Variants in GALNT13 observed in about 807,000 individuals in gnomAD.
GALNT13 encodes UDP-GalNAc:polypeptide N-acetylgalactosaminyltransferase 13.
In GALNT13, 28 loss-of-function variants were observed where a neutral mutation model predicts 64.2. The observed-to-expected ratio is 0.44, with a 90% CI of 0.32 to 0.60. The LOEUF (loss-of-function observed/expected upper bound fraction) is 0.60. GALNT13 is among the 20% of genes least tolerant of loss of function. GALNT13 has a pLI of 0.05. For synonymous variants in GALNT13, 214 were observed against 224.6 expected, an observed-to-expected ratio of 0.95 and a Z score of 0.42; for missense variants, 577 against 669.8, an observed-to-expected ratio of 0.86 and a Z score of 1.53.
chr2:153,922,934 C>G (rs1363700548), intron 2 of GALNT13, among the ~76,000 whole-genome samples: 1 of 151,978 alleles, frequency 6.6e-6, no homozygotes, highest in South Asian at 2.1e-4. Context: ...GAGTCTCCCT[C>G]TGTCACCCAG....
the GALNT13 span, among the ~76,000 whole-genome samples, chr2:153,579,115 C>G: frequency 6.6e-6 from 1 of 152,138 alleles, no homozygotes; most frequent in African/African-American, 2.4e-5. Flanking sequence ...ATGGGAAAAC[C>G]TGAAACTCCT....
chr2:153,525,299 G>A, the GALNT13 span, among the ~76,000 whole-genome samples: 1 of 152,194 alleles, frequency 6.6e-6, no homozygotes, highest in Non-Finnish European at 1.5e-5. Flanking sequence ...ACTGGCTTCA[G>A]GTGAGACTCA....
chr2:154,309,748 A>G (rs1234314799), intron 9 of GALNT13, among the ~76,000 whole-genome samples: 1 of 152,146 alleles, frequency 6.6e-6, no homozygotes, highest in Non-Finnish European at 1.5e-5. Flanking sequence ...GGGCAGGAAC[A>G]AACCTCATCC....
chr2:154,442,030 A>C (rs1186254816), intron 12 of GALNT13, among the ~76,000 whole-genome samples: 4 of 151,634 alleles, frequency 2.6e-5, no homozygotes, highest in African/African-American at 9.7e-5. Flanking sequence ...TTGTCGAAAA[A>C]CTGGAAATAA....
At chr2:153,325,057 T>C in the GALNT13 span, among the ~76,000 whole-genome samples, 1 of 151,304 alleles carries the variant, frequency 6.6e-6, no homozygotes, top group Non-Finnish European at 1.5e-5. Context: ...GAAGGAATGG[T>C]ACCAGCTCCT....
the GALNT13 span, among the ~76,000 whole-genome samples, chr2:153,530,122 AGATAT>A: frequency 4.6e-5 from 7 of 152,266 alleles, no homozygotes; most frequent in East Asian, 3.9e-4. Context: ...CCATGTTTGC[AGATAT>A]GATATTATAT....
chr2:153,257,011 C>G, the GALNT13 span, among the ~76,000 whole-genome samples: 15 of 152,366 alleles, frequency 9.8e-5, no homozygotes, highest in South Asian at 2.9e-3. Context: ...CTTTGTTTAC[C>G]TAATCAAGTC....
rs1167875826 is a variant in GALNT13 at position 153,899,935 on chromosome 2, A to ATT, written c.-176-984_-176-983dup. ...TATATACATATATATATATATATAT[A>ATT]TTTTTTTTTTTTTTTTTTGAGATGG... is the stretch of plus-strand genomic sequence containing the variant. On this transcript the variant is annotated intron_variant, in intron 1 of 12. Coordinates refer to ENST00000392825, the MANE Select transcript of GALNT13 (RefSeq NM_052917.4). 6.3e-3 allele frequency among the ~76,000 whole-genome samples: 620 copies of ATT among 98,096 alleles called. 9 individuals carry two copies. Among genetic ancestry groups the ATT allele is most frequent in the South Asian group, 0.019 (58 of 3,018 alleles). The allele number at this position is 98,096 out of a possible 152,430, so 64.4% of individuals were successfully genotyped here. A position where few individuals can be genotyped will look rare whatever the true frequency, so the allele number is the denominator to read the frequency against.
chr2:153,784,728 C>T, the GALNT13 span, among the ~76,000 whole-genome samples: 17 of 152,192 alleles, frequency 1.1e-4, no homozygotes, highest in Non-Finnish European at 2.2e-4. Context: ...TGCACAGTGA[C>T]GTCTATAGGC....
At chr2:153,738,127 TGA>T in the GALNT13 span, among the ~76,000 whole-genome samples, 1 of 152,050 alleles carries the variant, frequency 6.6e-6, no homozygotes, top group Non-Finnish European at 1.5e-5. Flanking sequence ...GAACATTATG[TGA>T]GTTTGTTTAT....
the GALNT13 span, among the ~76,000 whole-genome samples, chr2:153,453,738 C>T: frequency 6.6e-6 from 1 of 152,164 alleles, no homozygotes; most frequent in Non-Finnish European, 1.5e-5. Flanking sequence ...AACAGGACTA[C>T]TATTCAAACT....
At chr2:153,739,979 T>G in the GALNT13 span, among the ~76,000 whole-genome samples, 2 of 151,912 alleles carry the variant, frequency 1.3e-5, no homozygotes, top group African/African-American at 4.8e-5. Flanking sequence ...TGTGGAAATG[T>G]TTTTTCTTCA....
the GALNT13 span, among the ~76,000 whole-genome samples, chr2:153,676,489 A>C: frequency 1.3e-5 from 2 of 152,172 alleles, no homozygotes; most frequent in Admixed American, 6.6e-5. Flanking sequence ...ATTGAAGAGG[A>C]GGAATTCCTG....
At chr2:153,923,276 G>A (rs925827440) in intron 2 of GALNT13, among the ~76,000 whole-genome samples, 1 of 152,118 alleles carries the variant, frequency 6.6e-6, no homozygotes, top group African/African-American at 2.4e-5. Context: ...ATTAATTCAG[G>A]TTGCTGCTTT....
the GALNT13 span, among the ~76,000 whole-genome samples, chr2:153,095,110 A>C: frequency 2.0e-5 from 3 of 152,160 alleles, no homozygotes; most frequent in Admixed American, 1.3e-4. Context: ...CAACCTACAG[A>C]ATGGGAGAAA....
chr2:153,651,467 G>A, the GALNT13 span, among the ~76,000 whole-genome samples: 3 of 152,106 alleles, frequency 2.0e-5, no homozygotes, highest in Non-Finnish European at 4.4e-5. Flanking sequence ...CATGTCCGTT[G>A]TTCTTTCAAT....
the GALNT13 span, among the ~76,000 whole-genome samples, chr2:153,843,302 A>G: frequency 5.3e-5 from 8 of 152,222 alleles, no homozygotes; most frequent in Non-Finnish European, 7.3e-5. Flanking sequence ...ATGTCACATC[A>G]CAAAAGTAAG....
chr2:154,078,214 C>T (rs111459702), intron 3 of GALNT13, among the ~76,000 whole-genome samples: 17 of 151,506 alleles, frequency 1.1e-4, no homozygotes, highest in African/African-American at 3.4e-4. Flanking sequence ...TATCATAGCA[C>T]GTAATTTCAT....
intron 4 of GALNT13, among the ~76,000 whole-genome samples, chr2:154,222,640 C>T (rs1573905618): frequency 6.6e-6 from 1 of 152,238 alleles, no homozygotes; most frequent in East Asian, 1.9e-4. Context: ...GAGGCAAGGT[C>T]AGTGATTGGA....
Sources: gnomAD v4.1 joint callset for allele counts (sites outside exome capture counted in the v4.1 genomes callset) on GRCh38, gnomAD v4.1.1 for gene constraint, MANE v1.5 for transcripts, NCBI Gene and HGNC (gene_info 2026-07-23, HGNC 2026-07-21) for gene names.